ROGDI: variants seen among roughly 807,000 people sequenced by gnomAD.
The protein encoded by ROGDI is protein rogdi homolog.
ROGDI carries 46 observed loss-of-function variants against 43.1 expected under a neutral mutation model. That is an observed-to-expected ratio of 1.07 (90% CI 0.84 to 1.37). The LOEUF is 1.37. Ranked by LOEUF, ROGDI falls within the 40% of genes most tolerant of loss-of-function variation. The probability of loss-of-function intolerance (pLI) is 0.00; values close to 1 mark genes in which losing one functional copy is unlikely to be tolerated. For missense variants in ROGDI, 518 were observed against 383.9 expected, an observed-to-expected ratio of 1.35 and a Z score of -2.92; for synonymous variants, 243 against 162.0, an observed-to-expected ratio of 1.50 and a Z score of -3.80.
rs752084585 is a variant in ROGDI at position 4,797,427 on chromosome 16, G to A, written c.*33C>T. On this transcript the variant is annotated 3_prime_UTR_variant, in exon 11 of 11. Coordinates refer to ENST00000322048, the MANE Select transcript of ROGDI (RefSeq NM_024589.3). ...GTGGGTATGAGTAGGGGACGGGGCC[G>A]CCTTCCTGGAGACAAGCTCCTGGGT... is the stretch of plus-strand genomic sequence containing the variant. 3.7e-6 allele frequency: 6 copies of A among 1,602,650 alleles called. No individual in the cohort carries two copies. Among genetic ancestry groups the A allele is most frequent in the East Asian group, 2.2e-5 (1 of 44,850 alleles).
chr16:4,799,565 G>A (rs1191920247), intron 6 of ROGDI, 121 bp downstream of exon 6: 5 of 635,404 alleles, frequency 7.9e-6, no homozygotes, highest in East Asian at 2.8e-5. Flanking sequence ...ACACAGAGTC[G>A]GCAGGTAAGT....
At chr16:4,800,694 C>T in intron 4 of ROGDI, 116 bp from the exon 5 acceptor site, 1 of 810,772 alleles carries the variant, frequency 1.2e-6, no homozygotes, top group South Asian at 1.6e-5. Flanking sequence ...GCCTTGGCCG[C>T]TGTATAGGGC....
intron 8 of ROGDI, 36 bp from the exon 9 acceptor site, chr16:4,798,023 A>G: frequency 1.9e-6 from 3 of 1,613,528 alleles, no homozygotes; most frequent in Non-Finnish European, 2.5e-6. Flanking sequence ...CAGGCCTTGC[A>G]GGGCGTGTGC....
At position 4,797,405 on chromosome 16, in the gene ROGDI, G is replaced by C. The variant is rs761273594; in HGVS notation, c.*55C>G. ...TGGCACTGGCTGGTGCTCTGTGGTG[G>C]GTATGAGTAGGGGACGGGGCCGCCT... On this transcript the variant is annotated 3_prime_UTR_variant, in exon 11 of 11. Coordinates refer to ENST00000322048, the MANE Select transcript of ROGDI (RefSeq NM_024589.3). 1.9e-6 allele frequency: 3 copies of C among 1,542,252 alleles called. No homozygotes were observed. The highest frequency in any genetic ancestry group is 1.8e-6 in the Non-Finnish European group (2 of 1,126,322).
intron 2 of ROGDI, 185 bp downstream of exon 2, chr16:4,802,197 C>G (rs2082737055): frequency 3.0e-6 from 2 of 671,004 alleles, no homozygotes; most frequent in Non-Finnish European, 5.3e-6. Context: ...GGGACCCGCC[C>G]CTGCCCGCAC....
chr16:4,801,468 C>T, intron 3 of ROGDI, 35 bp downstream of exon 3: 1 of 1,584,560 alleles, frequency 6.3e-7, no homozygotes. Context: ...CCCCAAGGTA[C>T]CCATTTCCCC....
chr16:4,799,124 T>C (rs1182319591), intron 6 of ROGDI, among the ~76,000 whole-genome samples: 7 of 152,068 alleles, frequency 4.6e-5, no homozygotes, highest in Non-Finnish European at 7.4e-5. Flanking sequence ...CCCTTTGCCG[T>C]GGAGCAGAGC....
Position 4,802,305 on chromosome 16 carries a change from C to T in ROGDI, c.117+77G>A, listed in dbSNP as rs952120748. 3.0e-6 allele frequency: 4 copies of T among 1,335,590 alleles called. No homozygotes were observed. The African/African-American group carries it at 4.4e-5, about 15-fold the overall frequency. The allele number at this position is 1,335,590 out of a possible 1,614,324, so 82.7% of individuals were successfully genotyped here. ...ACACTGTAGGCGCTCAGGACGCAGCCGCGCGGCCCCAGGTGGAGCCAGGGA... is the reference window on the plus strand; with the variant it reads ...ACACTGTAGGCGCTCAGGACGCAGCTGCGCGGCCCCAGGTGGAGCCAGGGA... On this transcript the variant is annotated intron_variant, in intron 2 of 10. Transcript: ENST00000322048.
intron 7 of ROGDI, 80 bp from the exon 8 acceptor site, chr16:4,798,264 G>A (rs886443271): frequency 3.8e-5 from 45 of 1,177,854 alleles, no homozygotes; most frequent in African/African-American, 6.1e-5. Flanking sequence ...GTCACTCATG[G>A]AGTCTGCAGG....
chr16:4,802,267 C>T (rs749691306), intron 2 of ROGDI, 115 bp downstream of exon 2: 2 of 980,060 alleles, frequency 2.0e-6, no homozygotes, highest in Admixed American at 2.1e-5. Context: ...TGCCTGAAAG[C>T]CGCGGCAGCC....
At chr16:4,797,643 G>C (rs2082667475) in intron 10 of ROGDI, 71 bp downstream of exon 10, 1 of 1,607,536 alleles carries the variant, frequency 6.2e-7, no homozygotes, top group African/African-American at 1.3e-5. Flanking sequence ...CCCAAGGTTG[G>C]GGCGCTCTGA....
Position 4,798,586 on chromosome 16 carries a change from C to T in ROGDI, c.514G>A (p.Ala172Thr), listed in dbSNP as rs201213891. 38 of 1,564,202 alleles carry T rather than the reference C, an allele frequency of 2.4e-5. No individual in the cohort carries two copies. Among genetic ancestry groups the T allele is most frequent in the East Asian group, 9.2e-5 (4 of 43,682 alleles). The change falls in exon 7 of 11, where the codon GCC becomes ACC. Residue 172 changes from alanine to threonine, a missense_variant. Transcript: ENST00000322048. ...GCACTGACCGTGAGGCCGCTGGCGGCGATCTCGGGGAGGGTGAGGGTGGCG... is the reference window on the plus strand; with the variant it reads ...GCACTGACCGTGAGGCCGCTGGCGGTGATCTCGGGGAGGGTGAGGGTGGCG... ...TPATLTLPEI[A>T]ASGLTRMFAP...
Position 4,801,516 on chromosome 16 carries a change from G to C in ROGDI, c.187C>G (p.Leu63Val). ...GCCCAGGCTCACCCACAGCTGCCTAGGATGAAGTTCTCTTGCTTGGCGGGC... is the reference window on the plus strand; with the variant it reads ...GCCCAGGCTCACCCACAGCTGCCTACGATGAAGTTCTCTTGCTTGGCGGGC... The part of the protein sequence containing the change: ...EGPAKQENFI[L>V]GSCGTDQVKG... Residue 63 changes from leucine to valine, a missense_variant, in exon 3 of 11, where the codon CTA (leucine) becomes GTA (valine). Coordinates refer to ENST00000322048, the MANE Select transcript of ROGDI (RefSeq NM_024589.3). 1 of 1,606,224 alleles carries C rather than the reference G, an allele frequency of 6.2e-7. No individual in the cohort carries two copies. Among genetic ancestry groups the C allele is most frequent in the Non-Finnish European group, 8.5e-7 (1 of 1,176,508 alleles).
intron 3 of ROGDI, 68 bp from the exon 4 acceptor site, chr16:4,801,389 G>T (rs1262305131): frequency 6.4e-7 from 1 of 1,570,364 alleles, no homozygotes; most frequent in Non-Finnish European, 8.7e-7. Context: ...CCTCCCGGCG[G>T]GCTGCCCCTC....
chr16:4,801,607 G>A, intron 2 of ROGDI, 22 bp from the exon 3 acceptor site: 3 of 1,576,178 alleles, frequency 1.9e-6, no homozygotes, highest in Non-Finnish European at 2.6e-6. Context: ...AGGGAAGGAG[G>A]GGAGCTGGTA....
chr16:4,799,722 C>T lies in ROGDI; in HGVS notation c.396G>A (p.Gln132=), dbSNP rs763789297. The stretch of plus-strand genomic sequence containing the variant: ...CAGCGCCCGTCTTGAACTGGTAGCT[C>T]TGGTCCCGGCTGGTAAGCAGGTAAA... The part of the protein sequence containing the change: ...QAIYLLTSRD[Q]SYQFKTGAEV... Residue 132 remains glutamine (Q), a synonymous_variant, in exon 6 of 11, where the codon CAG becomes CAA. Coordinates refer to ENST00000322048, the MANE Select transcript of ROGDI (RefSeq NM_024589.3). The T allele has an allele frequency of 1.1e-5, 17 of 1,613,716 alleles. No homozygotes were observed. The highest frequency in any genetic ancestry group is 2.2e-5 in the South Asian group (2 of 91,014).
intron 6 of ROGDI, 80 bp downstream of exon 6, chr16:4,799,606 C>T (rs995383666): frequency 2.0e-6 from 2 of 1,024,594 alleles, no homozygotes; most frequent in African/African-American, 3.2e-5. Context: ...AACGTGGAGG[C>T]CCTGGGATTG....
Position 4,797,337 on chromosome 16 carries a change from T to C in ROGDI, c.*123A>G, listed in dbSNP as rs977511014. On this transcript the variant is annotated 3_prime_UTR_variant, in exon 11 of 11. Transcript: ENST00000322048. Reference sequence around the variant, plus strand: ...TTCCCGGCAGTGCAAATGTGTTAGGTGGGGTAGGGGGTGGGATAGGGAGAT... The same window carrying C: ...TTCCCGGCAGTGCAAATGTGTTAGGCGGGGTAGGGGGTGGGATAGGGAGAT... 2 of 790,106 alleles carry C rather than the reference T, an allele frequency of 2.5e-6. No homozygotes were observed. The highest frequency in any genetic ancestry group is 1.7e-5 in the African/African-American group (1 of 57,580). 48.9% of individuals were successfully genotyped at this position (790,106 alleles called of 1,614,324 possible).
Position 4,798,198 on chromosome 16 carries a change from G to C in ROGDI, c.532-14C>G. On this transcript the variant is annotated splice_polypyrimidine_tract_variant and intron_variant, in intron 7 of 10. Transcript: ENST00000322048. ...GGCGAACATCCGCTGCGGGAGGCAG[G>C]TGGGATGAGGCCCTCGCAAGCCCCC... The C allele has an allele frequency of 6.2e-7, 1 of 1,606,050 alleles. No homozygotes were observed. Among genetic ancestry groups the C allele is most frequent in the African/African-American group, 1.3e-5 (1 of 74,912 alleles).
Sources: gnomAD v4.1 joint callset for allele counts (sites outside exome capture counted in the v4.1 genomes callset) on GRCh38, gnomAD v4.1.1 for gene constraint, MANE v1.5 for transcripts, NCBI Gene and HGNC (gene_info 2026-07-23, HGNC 2026-07-21) for gene names.